ENKUR: variants seen among roughly 807,000 people sequenced by gnomAD.
ENKUR encodes enkurin.
Under a neutral mutation model 27.6 loss-of-function variants are expected in ENKUR, and 19 were observed. The ratio of observed to expected loss-of-function variants is 0.69; its 90% CI spans 0.48 to 1.01. The LOEUF (loss-of-function observed/expected upper bound fraction) is 1.01, where lower values mean the gene tolerates loss of function less well. Ranked by LOEUF, ENKUR falls within the 50% of genes least tolerant of loss-of-function variation. The probability of loss-of-function intolerance (pLI) is 0.00; values close to 1 mark genes in which losing one functional copy is unlikely to be tolerated. For missense variants in ENKUR, 312 were observed against 310.5 expected (o/e 1.00, Z -0.04); for synonymous variants, 117 against 96.9 (o/e 1.21, Z -1.22).
At chr10:25,058,832 G>C (rs893858266) in intron 2 of ENKUR, among the ~76,000 whole-genome samples, 4 of 151,876 alleles carry the variant, frequency 2.6e-5, no homozygotes, top group African/African-American at 9.7e-5. Flanking sequence ...TCGGGAGGCT[G>C]AGGCAGGAGA....
At position 24,990,459 on chromosome 10, in the gene ENKUR, A is replaced by C. The variant is rs200913676; in HGVS notation, c.594+4T>G. On this transcript the variant is annotated splice_donor_region_variant and intron_variant, in intron 4 of 5. Transcript: ENST00000331161. Reference sequence around the variant, plus strand: ...CAGATGAATGTAAATGGCAGAACACACACCTGCAAAACTGCCTCCCTTTCT... The same window carrying C: ...CAGATGAATGTAAATGGCAGAACACCCACCTGCAAAACTGCCTCCCTTTCT... The C allele has an allele frequency of 6.8e-6, 11 of 1,609,928 alleles. No individual in the cohort carries two copies. In the East Asian group the frequency reaches 1.1e-4, roughly 16 times the overall value.
chr10:24,991,941 G>C (rs1195445711), intron 3 of ENKUR, among the ~76,000 whole-genome samples: 1 of 152,136 alleles, frequency 6.6e-6, no homozygotes, highest in Non-Finnish European at 1.5e-5. Context: ...CCTGCCCTTC[G>C]GCATGCTCCC....
chr10:25,023,342 C>G (rs145338150), intron 2 of ENKUR: 2 of 1,614,008 alleles, frequency 1.2e-6, no homozygotes, highest in Admixed American at 1.7e-5. Flanking sequence ...TTTGCACTTG[C>G]GGAATTGAGG....
intron 2 of ENKUR, among the ~76,000 whole-genome samples, chr10:25,038,349 G>A (rs1851028117): frequency 6.6e-6 from 1 of 152,224 alleles, no homozygotes; most frequent in African/African-American, 2.4e-5. Context: ...TTACAGGGCT[G>A]AGTGTGCCTG....
intron 3 of ENKUR, among the ~76,000 whole-genome samples, chr10:24,991,254 T>C (rs1011989161): frequency 6.6e-6 from 1 of 152,028 alleles, no homozygotes. Flanking sequence ...GAATAAGATA[T>C]TCAAGAGTTG....
intron 1 of ENKUR, among the ~76,000 whole-genome samples, chr10:25,012,329 G>A (rs1850465112): frequency 6.6e-6 from 1 of 152,244 alleles, no homozygotes; most frequent in Non-Finnish European, 1.5e-5. Flanking sequence ...ACTGCCTAGT[G>A]GAGCTGTGAG....
intron 2 of ENKUR, among the ~76,000 whole-genome samples, chr10:25,046,272 G>A (rs141572285): frequency 0.014 from 2,160 of 152,188 alleles, 21 homozygotes; most frequent in Non-Finnish European, 0.019. Flanking sequence ...TAAATGCTAC[G>A]TTCTATCAAG....
chr10:24,989,729 A>G (rs1849884280), intron 4 of ENKUR, among the ~76,000 whole-genome samples: 1 of 152,250 alleles, frequency 6.6e-6, no homozygotes. Context: ...GAGATTAATA[A>G]TAAACTAGAA....
chr10:25,044,039 A>ATT (rs1554773982), intron 2 of ENKUR, among the ~76,000 whole-genome samples: 3 of 151,616 alleles, frequency 2.0e-5, no homozygotes, highest in African/African-American at 7.3e-5. Flanking sequence ...TTGGTCTACT[A>ATT]TTCAATGTCT....
chr10:24,999,170 T>G (rs575446285), intron 2 of ENKUR, among the ~76,000 whole-genome samples: 4 of 152,322 alleles, frequency 2.6e-5, no homozygotes, highest in Admixed American at 2.6e-4. Context: ...GCATGTGGGC[T>G]TCATTGGATA....
intron 2 of ENKUR, among the ~76,000 whole-genome samples, chr10:25,040,520 G>A (rs1260862222): frequency 4.0e-5 from 6 of 151,448 alleles, no homozygotes; most frequent in South Asian, 4.2e-4. Flanking sequence ...ACAGGCGCCT[G>A]CCACCACGCC....
At chr10:25,060,933 T>C (rs536205539) in intron 2 of ENKUR, among the ~76,000 whole-genome samples, 1 of 152,180 alleles carries the variant, frequency 6.6e-6, no homozygotes, top group Non-Finnish European at 1.5e-5. Context: ...AGGCTGGTCT[T>C]GAACTTCTGA....
chr10:24,990,803 G>A (rs959221759), intron 3 of ENKUR, among the ~76,000 whole-genome samples, 194 bp from the exon 4 acceptor site: 3 of 152,140 alleles, frequency 2.0e-5, no homozygotes, highest in Non-Finnish European at 2.9e-5. Flanking sequence ...TTAAAATGGA[G>A]TTGTTATTGC....
upstream of ENKUR, among the ~76,000 whole-genome samples, chr10:25,018,991 C>T (rs1332101640): frequency 6.6e-6 from 1 of 152,110 alleles, no homozygotes; most frequent in African/African-American, 2.4e-5. Flanking sequence ...GTGGTCCTTC[C>T]ACCCTCACCT....
intron 2 of ENKUR, among the ~76,000 whole-genome samples, chr10:25,021,360 T>C (rs983275709): frequency 3.3e-5 from 5 of 152,218 alleles, no homozygotes; most frequent in African/African-American, 9.6e-5. Flanking sequence ...ATAGATAATA[T>C]AGCCTAAAAA....
At chr10:25,021,685 T>C (rs963236029) in intron 2 of ENKUR, 2 of 152,212 alleles carry the variant, frequency 1.3e-5, no homozygotes, top group African/African-American at 4.8e-5. Flanking sequence ...AGTCTATGTG[T>C]AGAATTTTAT....
At chr10:25,051,086 C>T (rs957072402) in intron 2 of ENKUR, among the ~76,000 whole-genome samples, 2 of 152,154 alleles carry the variant, frequency 1.3e-5, no homozygotes, top group Non-Finnish European at 2.9e-5. Flanking sequence ...TTACAAGTTT[C>T]TGCACTTAAA....
chr10:24,993,347 A>G (rs1451081622), intron 3 of ENKUR, among the ~76,000 whole-genome samples: 3 of 152,202 alleles, frequency 2.0e-5, no homozygotes, highest in Non-Finnish European at 4.4e-5. Context: ...TGCTCAATAT[A>G]CTTTATATAA....
At chr10:25,019,972 T>C (rs1850684984), upstream of ENKUR, among the ~76,000 whole-genome samples, 1 of 152,194 alleles carries the variant, frequency 6.6e-6, no homozygotes. Context: ...GAGTGGCCAT[T>C]GCAGCAGACG....
Sources: gnomAD v4.1 joint callset for allele counts (sites outside exome capture counted in the v4.1 genomes callset) on GRCh38, gnomAD v4.1.1 for gene constraint, MANE v1.5 for transcripts, NCBI Gene and HGNC (gene_info 2026-07-23, HGNC 2026-07-21) for gene names.